EYS: variants seen among roughly 807,000 people sequenced by gnomAD.
EYS encodes the protein protein eyes shut homolog.
A neutral mutation model predicts 282.1 loss-of-function variants in EYS; 250 were observed. That is an observed-to-expected ratio of 0.89 (90% CI 0.80 to 0.98). The LOEUF is 0.98. EYS is among the 50% of genes least tolerant of loss of function. EYS has a pLI of 0.00. For missense variants in EYS, 4,016 were observed against 3,709.0 expected, an observed-to-expected ratio of 1.08 and a Z score of -2.15; for synonymous variants, 1,355 against 1,282.9, an observed-to-expected ratio of 1.06 and a Z score of -1.20.
At chr6:64,378,438 T>C (rs1772635002) in intron 29 of EYS, among the ~76,000 whole-genome samples, 1 of 152,136 alleles carries the variant, frequency 6.6e-6, no homozygotes, top group Non-Finnish European at 1.5e-5. Context: ...TGAGCTTCTA[T>C]TTATGCATCA....
At chr6:64,295,233 GT>G (rs912163171) in intron 30 of EYS, among the ~76,000 whole-genome samples, 1 of 146,396 alleles carries the variant, frequency 6.8e-6, no homozygotes, top group African/African-American at 2.6e-5. Flanking sequence ...AAAATTAGCC[GT>G]TTTTTTAGTT....
intron 41 of EYS, among the ~76,000 whole-genome samples, chr6:63,742,519 C>G (rs67959580): frequency 0.1 from 15,944 of 152,178 alleles, 923 homozygotes; most frequent in East Asian, 0.16. Flanking sequence ...GTGGCAAGAG[C>G]CTTTACTTTC....
Position 64,590,658 on chromosome 6 carries a change from GT to G in EYS, c.5208del (p.Lys1736AsnfsTer13). 1 of 1,551,320 alleles carries G rather than the reference GT, an allele frequency of 6.4e-7. No homozygotes were observed. The highest frequency in any genetic ancestry group is 8.7e-7 in the Non-Finnish European group (1 of 1,146,744). ...EKSKGSHTLF[K>X]LHPSDSSLDF... ...TCCAGAGAACTATCACTTGGGTGAA[GT>G]TTGAACAGTGTATGAGATCCTTTAC... On this transcript the variant is annotated frameshift_variant, in exon 26 of 43. Transcript: ENST00000503581. LOFTEE classifies it high-confidence loss of function.
chr6:64,072,577 C>T (rs1771629098), intron 32 of EYS, among the ~76,000 whole-genome samples: 1 of 151,730 alleles, frequency 6.6e-6, no homozygotes. Flanking sequence ...TGCACCAGCA[C>T]TTGTGTGTTT....
intron 10 of EYS, among the ~76,000 whole-genome samples, chr6:65,339,355 G>T (rs1047025332): frequency 6.6e-6 from 1 of 151,030 alleles, no homozygotes; most frequent in Non-Finnish European, 1.5e-5. Flanking sequence ...TGTTGGTTTC[G>T]CTTTCCATGA....
chr6:63,839,882 CT>C (rs1423830643), intron 36 of EYS, among the ~76,000 whole-genome samples: 2 of 152,212 alleles, frequency 1.3e-5, no homozygotes, highest in East Asian at 3.9e-4. Flanking sequence ...GTTATTTTTC[CT>C]ATTTTTGATA....
chr6:65,139,068 A>G (rs1432902629), intron 12 of EYS, among the ~76,000 whole-genome samples: 1 of 152,074 alleles, frequency 6.6e-6, no homozygotes, highest in African/African-American at 2.4e-5. Flanking sequence ...TTTAACCCAG[A>G]AATCCCATCA....
At chr6:63,805,532 T>C (rs569321186) in intron 37 of EYS, among the ~76,000 whole-genome samples, 1 of 152,344 alleles carries the variant, frequency 6.6e-6, no homozygotes, top group Admixed American at 6.5e-5. Context: ...TTACTTCCCA[T>C]GTGACTTGGT....
At chr6:65,550,143 C>CTTTCTTTTT (rs1562254227) in intron 2 of EYS, among the ~76,000 whole-genome samples, 10 of 5,954 alleles carry the variant, frequency 1.7e-3, no homozygotes, top group East Asian at 8.2e-3. Context: ...TCTACTATAT[C>CTTTCTTTTT]TTTTTTTTTT....
At chr6:64,173,666 T>C (rs1452740813) in intron 31 of EYS, among the ~76,000 whole-genome samples, 1 of 152,200 alleles carries the variant, frequency 6.6e-6, no homozygotes, top group Non-Finnish European at 1.5e-5. Flanking sequence ...TTCAGTGTGA[T>C]ACCTTAATGG....
chr6:65,648,755 A>G (rs1392370300), intron 1 of EYS, among the ~76,000 whole-genome samples: 1 of 152,200 alleles, frequency 6.6e-6, no homozygotes, highest in Non-Finnish European at 1.5e-5. Context: ...GGAAGAAAAA[A>G]GAAAACAACC....
intron 8 of EYS, among the ~76,000 whole-genome samples, chr6:65,360,547 T>G (rs561993678): frequency 1.3e-5 from 2 of 152,020 alleles, no homozygotes; most frequent in Non-Finnish European, 2.9e-5. Context: ...GTTTGGGAAA[T>G]TATATAAGAT....
chr6:65,485,220 G>A (rs1170789824), intron 5 of EYS, among the ~76,000 whole-genome samples: 2 of 152,142 alleles, frequency 1.3e-5, no homozygotes, highest in Admixed American at 1.3e-4. Context: ...TGACATTACT[G>A]ACTGTATACA....
At chr6:65,370,254 C>T (rs1765088694) in intron 8 of EYS, among the ~76,000 whole-genome samples, 2 of 129,494 alleles carry the variant, frequency 1.5e-5, no homozygotes. Flanking sequence ...TTCTTTCTCT[C>T]TCTTTTTTTT....
intron 12 of EYS, among the ~76,000 whole-genome samples, chr6:65,225,221 AAAACT>A (rs1430817756): frequency 2.0e-5 from 3 of 150,838 alleles, no homozygotes; most frequent in Non-Finnish European, 4.4e-5. Context: ...AATAATCAAC[AAAACT>A]AAGTCTAAAA....
In EYS at chr6:63,950,375, C is replaced by G. The variant is rs184297945; in HGVS notation, c.7055+34008G>C. 5.3e-5 allele frequency among the ~76,000 whole-genome samples: 8 copies of G among 152,108 alleles called. No homozygotes were observed. The East Asian group carries it at 1.6e-3, about 30-fold the overall frequency. On this transcript the variant is annotated intron_variant, in intron 35 of 42. Coordinates refer to ENST00000503581, the MANE Select transcript of EYS (RefSeq NM_001142800.2). ...CCTTCTCCTGGCTCAGAAGCTCCCC[C>G]ACTGAGCATGTTGTGACCCCCGCCC...
At chr6:64,735,010 A>C (rs1022514265) in intron 22 of EYS, among the ~76,000 whole-genome samples, 1 of 152,196 alleles carries the variant, frequency 6.6e-6, no homozygotes, top group Non-Finnish European at 1.5e-5. Context: ...ATTAAGACAT[A>C]ATATGCACTA....
chr6:64,712,059 C>T (rs78453246), intron 22 of EYS, among the ~76,000 whole-genome samples: 164 of 152,284 alleles, frequency 1.1e-3, no homozygotes, highest in African/African-American at 3.3e-3. Context: ...GGATTTAACT[C>T]GTAACTTGGC....
chr6:65,544,033 A>T (rs5008810), intron 2 of EYS, among the ~76,000 whole-genome samples: 76,017 of 143,850 alleles, frequency 0.53, 19,895 homozygotes, highest in East Asian at 0.7. Context: ...TGTGTGTGAG[A>T]GAGAGAGAGA....
Sources: gnomAD v4.1 joint callset for allele counts (sites outside exome capture counted in the v4.1 genomes callset) on GRCh38, gnomAD v4.1.1 for gene constraint, MANE v1.5 for transcripts, NCBI Gene and HGNC (gene_info 2026-07-23, HGNC 2026-07-21) for gene names.